The following ASXL3 variants were observed in gnomAD, a reference collection of about 807,000 sequenced individuals.
ASXL3 encodes the protein putative Polycomb group protein ASXL3.
Under a neutral mutation model 170.6 loss-of-function variants are expected in ASXL3, and 34 were observed. That is an observed-to-expected ratio of 0.20 (90% confidence interval 0.15 to 0.27). The LOEUF is 0.27. Ranked by LOEUF, ASXL3 falls within the 10% of genes least tolerant of loss-of-function variation. The probability of loss-of-function intolerance (pLI) is 1.00; values close to 1 mark genes in which losing one functional copy is unlikely to be tolerated. For missense variants in ASXL3, 2,592 were observed against 2,695.3 expected, an observed-to-expected ratio of 0.96 and a Z score of 0.85; for synonymous variants, 1,002 against 989.1, an observed-to-expected ratio of 1.01 and a Z score of -0.24.
In ASXL3 at chr18:33,745,026, C is replaced by G. The variant is rs1470886451; in HGVS notation, c.5178C>G (p.Ala1726=). The G allele has an allele frequency of 5.0e-6, 8 of 1,613,854 alleles. No individual in the cohort carries two copies. Among genetic ancestry groups the G allele is most frequent in the Admixed American group, 1.7e-5 (1 of 60,000 alleles). The change falls in exon 12 of 12, where the codon GCC becomes GCG. Residue 1726 remains alanine (A), a synonymous_variant. Coordinates refer to ENST00000269197, the MANE Select transcript of ASXL3 (RefSeq NM_030632.3). The part of the protein sequence containing the change: ...MEEAISLATD[A]LKRVPGAGSS... ...AGGCTATTTCCTTGGCTACCGATGCCCTGAAGAGAGTCCCTGGTGCAGGGA... is the reference window on the plus strand; with the variant it reads ...AGGCTATTTCCTTGGCTACCGATGCGCTGAAGAGAGTCCCTGGTGCAGGGA...
At chr18:33,736,244 G>A (rs1244152021) in intron 10 of ASXL3, among the ~76,000 whole-genome samples, 4 of 151,848 alleles carry the variant, frequency 2.6e-5, no homozygotes, top group Non-Finnish European at 5.9e-5. Context: ...TCAGATCTAG[G>A]GCCCCTTCCC....
chr18:33,713,265 T>TTTTTTTTTG (rs2067106505), intron 8 of ASXL3, among the ~76,000 whole-genome samples: 1 of 121,216 alleles, frequency 8.2e-6, no homozygotes, highest in African/African-American at 3.3e-5. Flanking sequence ...TTTTTTTTTT[T>TTTTTTTTTG]TTTTTTTTTG....
At chr18:33,659,580 GA>G (rs1045918155) in intron 4 of ASXL3, among the ~76,000 whole-genome samples, 1 of 152,058 alleles carries the variant, frequency 6.6e-6, no homozygotes, top group African/African-American at 2.4e-5. Context: ...TCAGAACATT[GA>G]AAAGGCTATC....
intron 5 of ASXL3, among the ~76,000 whole-genome samples, 161 bp downstream of exon 5, chr18:33,661,898 A>T (rs1048890162): frequency 1.0e-4 from 4 of 40,166 alleles, no homozygotes; most frequent in African/African-American, 3.4e-4. Flanking sequence ...AATCTGTGAT[A>T]AAAAAAAACT....
chr18:33,695,762 C>T (rs907234477), intron 8 of ASXL3, among the ~76,000 whole-genome samples: 1 of 152,076 alleles, frequency 6.6e-6, no homozygotes, highest in East Asian at 1.9e-4. Context: ...CTCTTTTGTA[C>T]AGGCTACTAA....
Position 33,740,288 on chromosome 18 carries a change from T to C in ASXL3, c.2884T>C (p.Ser962Pro), listed in dbSNP as rs766158860. 1.9e-6 allele frequency: 3 copies of C among 1,612,366 alleles called. No homozygotes were observed. The South Asian group carries it at 3.3e-5, about 18-fold the overall frequency. Residue 962 changes from serine (S) to proline (P), a missense_variant, in exon 11 of 12, where the codon TCA becomes CCA. This residue lies in a region of ASXL3 where 2,246 missense variants were observed against 2,219.6 expected (regional missense o/e 1.01). Coordinates refer to ENST00000269197, the MANE Select transcript of ASXL3 (RefSeq NM_030632.3). ...IRNESRDSEI[S>P]KRKTAEQHSF... The stretch of plus-strand genomic sequence containing the variant: ...AAATGAAAGTAGAGATTCAGAGATA[T>C]CAAAGAGAAAAACTGCAGAGCAACA...
intron 2 of ASXL3, among the ~76,000 whole-genome samples, chr18:33,643,415 C>T (rs1183601936): frequency 1.3e-5 from 2 of 151,746 alleles, no homozygotes; most frequent in Non-Finnish European, 1.5e-5. Context: ...AAGATATTAC[C>T]TAAACACAAC....
chr18:33,740,582 G>T, intron 11 of ASXL3, 139 bp downstream of exon 11: 1 of 861,344 alleles, frequency 1.2e-6, no homozygotes, highest in Non-Finnish European at 1.7e-6. Context: ...AATAGTAAAT[G>T]ATCCTCTTTA....
intron 8 of ASXL3, among the ~76,000 whole-genome samples, chr18:33,715,919 C>T (rs143208183): frequency 6.7e-4 from 102 of 152,214 alleles, no homozygotes; most frequent in Middle Eastern, 6.8e-3. Context: ...ACATTGCAGA[C>T]AGCAAAGGCA....
chr18:33,675,841 T>C (rs564004379), intron 7 of ASXL3, among the ~76,000 whole-genome samples: 1 of 151,802 alleles, frequency 6.6e-6, no homozygotes, highest in East Asian at 1.9e-4. Flanking sequence ...CTAGAGAGGG[T>C]TAAAGCGCAC....
At chr18:33,617,624 G>A (rs1204390691) in intron 2 of ASXL3, among the ~76,000 whole-genome samples, 1 of 152,138 alleles carries the variant, frequency 6.6e-6, no homozygotes, top group African/African-American at 2.4e-5. Context: ...TAACCACTAA[G>A]CTATGCAATT....
At chr18:33,682,157 A>G (rs1247858664) in intron 7 of ASXL3, among the ~76,000 whole-genome samples, 1 of 152,110 alleles carries the variant, frequency 6.6e-6, no homozygotes, top group Non-Finnish European at 1.5e-5. Context: ...TTCTGTGACA[A>G]CTCTTCAGCT....
Position 33,738,942 on chromosome 18 carries a change from C to T in ASXL3, c.1538C>T (p.Pro513Leu), listed in dbSNP as rs2067599456. Residue 513 changes from proline (P) to leucine (L), a missense_variant, in exon 11 of 12, where the codon CCT becomes CTT. Transcript: ENST00000269197. Reference sequence around the variant, plus strand: ...ATGAATGATGTTTTAGAAACTTTGCCTCATATTGAAGTTAAGATAGAAGGG... The same window carrying T: ...ATGAATGATGTTTTAGAAACTTTGCTTCATATTGAAGTTAAGATAGAAGGG... The part of the protein sequence containing the change: ...VMMNDVLETL[P>L]HIEVKIEGKS... The T allele has an allele frequency of 1.2e-6, 2 of 1,613,518 alleles. No homozygotes were observed. The highest frequency in any genetic ancestry group is 1.7e-6 in the Non-Finnish European group (2 of 1,179,706).
intron 8 of ASXL3, among the ~76,000 whole-genome samples, chr18:33,697,289 A>C (rs1392018811): frequency 6.6e-6 from 1 of 152,120 alleles, no homozygotes; most frequent in Non-Finnish European, 1.5e-5. Context: ...GGGCTATGCA[A>C]GGTTCTAGAC....
In ASXL3 at chr18:33,646,202, AATAC is replaced by A. The variant is rs774950853; in HGVS notation, c.247-40_247-37del. 7 of 1,499,144 alleles carry A rather than the reference AATAC, an allele frequency of 4.7e-6. No homozygotes were observed. The Admixed American group carries it at 5.1e-5, about 11-fold the overall frequency. 92.9% of individuals were successfully genotyped at this position (1,499,144 alleles called of 1,614,324 possible). A position where few individuals can be genotyped will look rare whatever the true frequency, so the allele number is the denominator to read the frequency against. ...AGTATTTTGAATGTTTTTAGTTGCTAATACATCTTCTCCATAAATCATCACTTTT... is the reference window on the plus strand; with the variant it reads ...AGTATTTTGAATGTTTTTAGTTGCTAATCTTCTCCATAAATCATCACTTTT... On this transcript the variant is annotated intron_variant, in intron 3 of 11. Coordinates refer to ENST00000269197, the MANE Select transcript of ASXL3 (RefSeq NM_030632.3).
chr18:33,715,699 C>T (rs972939384), intron 8 of ASXL3, among the ~76,000 whole-genome samples: 3 of 152,080 alleles, frequency 2.0e-5, no homozygotes, highest in African/African-American at 7.2e-5. Flanking sequence ...CAAATATCTA[C>T]AGAAAACCTG....
intron 1 of ASXL3, among the ~76,000 whole-genome samples, chr18:33,598,896 T>A (rs1203857439): frequency 6.6e-6 from 1 of 152,160 alleles, no homozygotes; most frequent in Non-Finnish European, 1.5e-5. Context: ...ACTGGGCAAA[T>A]TAAATTAACT....
At position 33,739,128 on chromosome 18, in the gene ASXL3, G is replaced by T. The variant is rs1461692499; in HGVS notation, c.1724G>T (p.Gly575Val). The change falls in exon 11 of 12, where the codon GGG becomes GTG. Residue 575 changes from glycine to valine, a missense_variant. Transcript: ENST00000269197. ...ACCAGTACCCCCAAAATAAAAACAGGGTCATCTTCTCTAGAAGGCCAGTTT... is the reference window on the plus strand; with the variant it reads ...ACCAGTACCCCCAAAATAAAAACAGTGTCATCTTCTCTAGAAGGCCAGTTT... ...VETSTPKIKT[G>V]SSSLEGQFPN... is the part of the protein sequence containing the mutation. The T allele has an allele frequency of 6.2e-7, 1 of 1,613,344 alleles. No individual in the cohort carries two copies. Among genetic ancestry groups the T allele is most frequent in the Non-Finnish European group, 8.5e-7 (1 of 1,179,610 alleles).
At position 33,739,254 on chromosome 18, in the gene ASXL3, G is replaced by A; in HGVS notation, c.1850G>A (p.Ser617Asn). Residue 617 changes from serine (S) to asparagine (N), a missense_variant, in exon 11 of 12, where the codon AGC (serine) becomes AAC (asparagine). By Grantham distance (46) the Ser-to-Asn change is conservative. This residue lies in a region of ASXL3 where 2,246 missense variants were observed against 2,219.6 expected (regional missense o/e 1.01). Transcript: ENST00000269197. ...CISETSFSSE[S>N]PEGACTSLPS... ...TCTGAAACGTCCTTTTCTTCTGAGAGCCCAGAGGGAGCCTGTACCAGCCTG... is the reference window on the plus strand; with the variant it reads ...TCTGAAACGTCCTTTTCTTCTGAGAACCCAGAGGGAGCCTGTACCAGCCTG... 1.2e-6 allele frequency: 2 copies of A among 1,613,786 alleles called. No individual in the cohort carries two copies. Among genetic ancestry groups the A allele is most frequent in the Non-Finnish European group, 8.5e-7 (1 of 1,179,828 alleles).
Sources: gnomAD v4.1 joint callset for allele counts (sites outside exome capture counted in the v4.1 genomes callset) on GRCh38, gnomAD v4.1.1 for gene constraint, gnomAD v4.1.1 regional missense constraint, MANE v1.5 for transcripts, NCBI Gene and HGNC (gene_info 2026-07-23, HGNC 2026-07-21) for gene names.